ITPKB: variants seen among roughly 807,000 people sequenced by gnomAD.
ITPKB encodes the protein IP3 3-kinase B.
A neutral mutation model predicts 69.4 loss-of-function variants in ITPKB; 13 were observed. That is an observed-to-expected ratio of 0.19 (90% CI 0.12 to 0.30). ITPKB has a LOEUF of 0.30. Among genes scored for constraint, ITPKB ranks in the 10% least tolerant of loss-of-function variants. The pLI, the probability that ITPKB is intolerant of heterozygous loss-of-function variation, is 1.00. For synonymous variants in ITPKB, 584 were observed against 513.7 expected, an observed-to-expected ratio of 1.14 and a Z score of -1.85; for missense variants, 1,240 against 1,250.5, an observed-to-expected ratio of 0.99 and a Z score of 0.13.
At chr1:226,694,625 C>T (rs1190352130) in intron 2 of ITPKB, among the ~76,000 whole-genome samples, 1 of 152,218 alleles carries the variant, frequency 6.6e-6, no homozygotes, top group East Asian at 1.9e-4. Flanking sequence ...CAGGCTTAGC[C>T]ATCAGTGTTT....
chr1:226,651,197 TG>T (rs1486115888), intron 2 of ITPKB, among the ~76,000 whole-genome samples: 1 of 152,030 alleles, frequency 6.6e-6, no homozygotes, highest in Non-Finnish European at 1.5e-5. Context: ...GGACTGGAAC[TG>T]GGAGTGGTTG....
chr1:226,652,747 C>T (rs928917059), intron 2 of ITPKB, among the ~76,000 whole-genome samples: 4 of 152,236 alleles, frequency 2.6e-5, no homozygotes, highest in African/African-American at 9.6e-5. Flanking sequence ...TCGAGACATC[C>T]CTTGTGGACA....
intron 2 of ITPKB, among the ~76,000 whole-genome samples, chr1:226,669,675 G>C (rs972243196): frequency 1.3e-5 from 2 of 152,060 alleles, no homozygotes; most frequent in Non-Finnish European, 2.9e-5. Context: ...CAAATAAACT[G>C]CAGAAAATAT....
chr1:226,679,198 C>T (rs1439017294), intron 2 of ITPKB, among the ~76,000 whole-genome samples: 1 of 152,240 alleles, frequency 6.6e-6, no homozygotes, highest in Non-Finnish European at 1.5e-5. Context: ...TTGTTTCCAT[C>T]TGTAAAAAGG....
intron 2 of ITPKB, among the ~76,000 whole-genome samples, chr1:226,723,825 C>T (rs1657320629): frequency 1.3e-5 from 2 of 152,118 alleles, no homozygotes; most frequent in Non-Finnish European, 2.9e-5. Context: ...CAGCTGAATA[C>T]AGGGGATTGT....
chr1:226,660,206 A>G (rs947576055), intron 2 of ITPKB, among the ~76,000 whole-genome samples: 9 of 152,140 alleles, frequency 5.9e-5, no homozygotes, highest in Admixed American at 5.2e-4. Context: ...CCCATCCCTC[A>G]ATCTGTGATG....
intron 6 of ITPKB, among the ~76,000 whole-genome samples, chr1:226,638,328 G>A (rs1668882377): frequency 6.6e-6 from 1 of 152,236 alleles, no homozygotes; most frequent in African/African-American, 2.4e-5. Flanking sequence ...CCCCCTGCCT[G>A]CAGCCTCAGA....
intron 2 of ITPKB, among the ~76,000 whole-genome samples, chr1:226,657,830 T>C (rs1178038662): frequency 6.6e-6 from 1 of 152,224 alleles, no homozygotes; most frequent in African/African-American, 2.4e-5. Flanking sequence ...CCATCATCTC[T>C]CTCGGACCTG....
chr1:226,715,965 A>G (rs984183065), intron 2 of ITPKB, among the ~76,000 whole-genome samples: 22 of 152,110 alleles, frequency 1.4e-4, no homozygotes, highest in African/African-American at 5.3e-4. Flanking sequence ...TGCCCGTCAT[A>G]ATGCCCGGCT....
intron 4 of ITPKB, among the ~76,000 whole-genome samples, chr1:226,643,898 G>A (rs917777119): frequency 3.3e-5 from 5 of 152,218 alleles, no homozygotes; most frequent in Non-Finnish European, 5.9e-5. Flanking sequence ...TGCAGGACAC[G>A]CACAGAGCAC....
intron 2 of ITPKB, among the ~76,000 whole-genome samples, chr1:226,677,064 C>T (rs948087627): frequency 6.6e-6 from 1 of 152,198 alleles, no homozygotes; most frequent in Non-Finnish European, 1.5e-5. Flanking sequence ...CCCAGGCTAG[C>T]TTGGAAGCCT....
chr1:226,634,676 C>T lies in ITPKB; in HGVS notation c.2836G>A (p.Ala946Thr), dbSNP rs202144792. The T allele has an allele frequency of 4.0e-5, 33 of 817,892 alleles. No individual in the cohort carries two copies. In the East Asian group the frequency reaches 5.6e-4, roughly 14 times the overall value. The allele number at this position is 817,892 out of a possible 1,614,324, so 50.7% of individuals were successfully genotyped here. Residue 946 changes from alanine (A) to threonine (T), a missense_variant, in exon 8 of 8, where the codon GCC becomes ACC. By Grantham distance (58) the Ala-to-Thr change is moderately conservative. This residue lies in a region of ITPKB where 248 missense variants were observed against 396.7 expected (regional missense o/e 0.63). Coordinates refer to ENST00000429204, the MANE Select transcript of ITPKB (RefSeq NM_002221.4). The surrounding 1 kb of genome is among the most constrained non-coding windows in gnomAD (Gnocchi z 6.3). ...CCAGGGAGGGCGTGGGCAGCTCAGG[C>T]GAGTGGGGCATCCTGGGACATCTCG... is the stretch of plus-strand genomic sequence containing the variant. ...LTEMSQDAPL[A>T] is the part of the protein sequence containing the mutation.
At chr1:226,645,464 G>A (rs1283063148) in intron 4 of ITPKB, among the ~76,000 whole-genome samples, 2 of 152,122 alleles carry the variant, frequency 1.3e-5, no homozygotes, top group Non-Finnish European at 2.9e-5. Context: ...GAGCAGGCAG[G>A]TTCTGGGGCA....
intron 2 of ITPKB, among the ~76,000 whole-genome samples, chr1:226,657,589 G>A (rs1370797448): frequency 2.0e-5 from 3 of 152,150 alleles, no homozygotes; most frequent in Non-Finnish European, 4.4e-5. Flanking sequence ...ATTGCCAGCC[G>A]AACTCTGCTG....
intron 2 of ITPKB, among the ~76,000 whole-genome samples, chr1:226,658,887 C>T (rs1458081952): frequency 6.6e-6 from 1 of 152,152 alleles, no homozygotes; most frequent in African/African-American, 2.4e-5. Flanking sequence ...GGACCCCCTG[C>T]AGGGGCTACA....
At chr1:226,693,638 A>G (rs1656409696) in intron 2 of ITPKB, among the ~76,000 whole-genome samples, 1 of 152,200 alleles carries the variant, frequency 6.6e-6, no homozygotes, top group Non-Finnish European at 1.5e-5. Context: ...ATTCTATTTT[A>G]TTAAAATCTA....
At chr1:226,733,530 G>A (rs1657656296) in intron 2 of ITPKB, among the ~76,000 whole-genome samples, 1 of 151,956 alleles carries the variant, frequency 6.6e-6, no homozygotes, top group Non-Finnish European at 1.5e-5. Flanking sequence ...AAAGTCCCTA[G>A]GATCCCATAA....
At chr1:226,693,981 T>C (rs1203989946) in intron 2 of ITPKB, among the ~76,000 whole-genome samples, 1 of 152,192 alleles carries the variant, frequency 6.6e-6, no homozygotes, top group Non-Finnish European at 1.5e-5. Flanking sequence ...CTTTAAGAGG[T>C]GTCAGAGGAC....
At chr1:226,680,845 C>T (rs748304220) in intron 2 of ITPKB, among the ~76,000 whole-genome samples, 27 of 152,140 alleles carry the variant, frequency 1.8e-4, no homozygotes, top group Admixed American at 8.5e-4. Context: ...CTGGGACAAA[C>T]GGGAAAATGT....
Sources: allele counts gnomAD v4.1 joint callset (sites outside exome capture counted in the v4.1 genomes callset), GRCh38; gene constraint gnomAD v4.1.1; regional missense constraint gnomAD v4.1.1; non-coding constraint Gnocchi (gnomAD v3.1); transcripts MANE v1.5; gene names NCBI Gene and HGNC (gene_info 2026-07-23, HGNC 2026-07-21).